PDE1C: variants seen among roughly 807,000 people sequenced by gnomAD.
PDE1C encodes the protein phosphodiesterase 1C, also known as dual specificity calcium/calmodulin-dependent 3',5'-cyclic nucleotide phosphodiesterase 1C.
Under a neutral mutation model 93.1 loss-of-function variants are expected in PDE1C, and 62 were observed. That is an observed-to-expected ratio of 0.67 (90% CI 0.54 to 0.82). The LOEUF (loss-of-function observed/expected upper bound fraction) is 0.82, where lower values mean the gene tolerates loss of function less well. Among genes scored for constraint, PDE1C ranks in the 40% least tolerant of loss-of-function variants. The pLI is 0.00. For missense variants in PDE1C, 742 were observed against 884.6 expected (o/e 0.84, Z 2.04); for synonymous variants, 325 against 310.1 (o/e 1.05, Z -0.50).
chr7:32,359,317 A>G (rs892923093), intron 1 of PDE1C, among the ~76,000 whole-genome samples: 14 of 152,106 alleles, frequency 9.2e-5, no homozygotes, highest in Admixed American at 2.6e-4. Context: ...CTATTGCAAT[A>G]ATTTCTAAAT....
At chr7:31,949,903 G>A (rs537415876) in intron 2 of PDE1C, among the ~76,000 whole-genome samples, 18 of 152,202 alleles carry the variant, frequency 1.2e-4, no homozygotes, top group Non-Finnish European at 1.9e-4. Context: ...TACTTTCTTC[G>A]TAGATTTTCT....
At chr7:31,731,854 T>A in the PDE1C span, among the ~76,000 whole-genome samples, 1 of 152,206 alleles carries the variant, frequency 6.6e-6, no homozygotes, top group Admixed American at 6.5e-5. Context: ...AGATATTTCT[T>A]TCCCAGAGTC....
rs60108134 is a variant in PDE1C at position 32,260,654 on chromosome 7, T to G, written c.85+37997A>C. 3.5e-3 allele frequency among the ~76,000 whole-genome samples: 538 copies of G among 152,290 alleles called. 4 individuals carry two copies. The highest frequency in any genetic ancestry group is 0.012 in the African/African-American group (503 of 41,568). ...CAGAACTAACCAAATCTATCTTGCC[T>G]CTAACCCTTAAGCTGTCCTTGTTCA... On this transcript the variant is annotated intron_variant, in intron 1 of 18. Transcript: ENST00000396193.
chr7:32,005,555 C>CAAAAA (rs59246166), intron 2 of PDE1C, among the ~76,000 whole-genome samples: 7 of 50,758 alleles, frequency 1.4e-4, no homozygotes, highest in Admixed American at 2.5e-4. Context: ...GACTCCATTT[C>CAAAAA]AAAAAAAAAA....
At chr7:32,307,685 G>A (rs1336864870) in intron 1 of PDE1C, among the ~76,000 whole-genome samples, 1 of 152,120 alleles carries the variant, frequency 6.6e-6, no homozygotes, top group East Asian at 1.9e-4. Flanking sequence ...TTAAGCCCAG[G>A]TTCACACGAT....
chr7:32,289,114 G>T (rs1245902012), intron 1 of PDE1C, among the ~76,000 whole-genome samples: 1 of 152,208 alleles, frequency 6.6e-6, no homozygotes, highest in African/African-American at 2.4e-5. Context: ...GGTAAAAAAA[G>T]AGGTCAGAGG....
intron 2 of PDE1C, among the ~76,000 whole-genome samples, chr7:32,010,171 C>G (rs144677081): frequency 6.6e-6 from 1 of 152,166 alleles, no homozygotes; most frequent in East Asian, 1.9e-4. Flanking sequence ...TATGGAAATG[C>G]CAAAGGCCTA....
intron 2 of PDE1C, among the ~76,000 whole-genome samples, chr7:32,188,616 CA>C (rs1171388564): frequency 6.6e-5 from 10 of 151,950 alleles, no homozygotes; most frequent in Non-Finnish European, 1.2e-4. Flanking sequence ...GCTATCTTAC[CA>C]GGGCTACATC....
chr7:31,848,287 T>G (rs1792877949), intron 8 of PDE1C, among the ~76,000 whole-genome samples, 191 bp from the exon 9 acceptor site: 1 of 152,162 alleles, frequency 6.6e-6, no homozygotes, highest in Non-Finnish European at 1.5e-5. Flanking sequence ...GTATGTTATA[T>G]CAGTACATGT....
chr7:32,176,661 T>C (rs1177913236), intron 2 of PDE1C, among the ~76,000 whole-genome samples: 1 of 149,888 alleles, frequency 6.7e-6, no homozygotes, highest in Admixed American at 6.6e-5. Context: ...CCCTACTGTA[T>C]ATCATTAGAG....
At chr7:32,176,388 C>T (rs1320310295) in intron 2 of PDE1C, among the ~76,000 whole-genome samples, 1 of 151,962 alleles carries the variant, frequency 6.6e-6, no homozygotes, top group Non-Finnish European at 1.5e-5. Flanking sequence ...ACAAAGAAGA[C>T]AGGACCAGAA....
chr7:32,373,217 G>T (rs1190755922), intron 1 of PDE1C, among the ~76,000 whole-genome samples: 2 of 152,166 alleles, frequency 1.3e-5, no homozygotes, highest in East Asian at 3.8e-4. Flanking sequence ...CAAAATGTCT[G>T]TCTACTGATT....
At chr7:32,358,640 C>G (rs889011813) in intron 1 of PDE1C, among the ~76,000 whole-genome samples, 5 of 152,128 alleles carry the variant, frequency 3.3e-5, no homozygotes, top group Non-Finnish European at 7.3e-5. Flanking sequence ...GCAGCACAAC[C>G]AACAGTCATT....
chr7:31,743,125 C>A, the PDE1C span, among the ~76,000 whole-genome samples: 1 of 152,162 alleles, frequency 6.6e-6, no homozygotes, highest in South Asian at 2.1e-4. Context: ...CTCTACCAAT[C>A]CATCTCCATT....
At chr7:32,120,854 G>A (rs980009169) in intron 3 of PDE1C, among the ~76,000 whole-genome samples, 2 of 152,080 alleles carry the variant, frequency 1.3e-5, no homozygotes, top group African/African-American at 2.4e-5. Flanking sequence ...CTCCAGCAAG[G>A]GTTCAGAGCT....
At chr7:31,868,843 T>C (rs36104784) in intron 6 of PDE1C, among the ~76,000 whole-genome samples, 2,897 of 150,892 alleles carry the variant, frequency 0.019, 45 homozygotes, top group Middle Eastern at 0.051. Flanking sequence ...ACAGAAAATA[T>C]CTCATTAGAA....
intron 1 of PDE1C, among the ~76,000 whole-genome samples, chr7:32,415,356 CAGG>C (rs1424397540): frequency 6.6e-6 from 1 of 152,120 alleles, no homozygotes; most frequent in Non-Finnish European, 1.5e-5. Flanking sequence ...GAGGCTGAGG[CAGG>C]AGAATAGCTT....
intron 1 of PDE1C, among the ~76,000 whole-genome samples, chr7:32,346,919 G>A (rs1783864050): frequency 6.6e-6 from 1 of 152,176 alleles, no homozygotes; most frequent in South Asian, 2.1e-4. Context: ...TGGTTATCTG[G>A]GGCTGACTGT....
chr7:31,823,410 T>C (rs1169934821), intron 13 of PDE1C, among the ~76,000 whole-genome samples, 162 bp from the exon 14 acceptor site: 1 of 152,168 alleles, frequency 6.6e-6, no homozygotes, highest in Non-Finnish European at 1.5e-5. Flanking sequence ...ATATGACCGG[T>C]GGGAAATTCT....
Sources: allele counts gnomAD v4.1 joint callset (sites outside exome capture counted in the v4.1 genomes callset), GRCh38; gene constraint gnomAD v4.1.1; transcripts MANE v1.5; gene names NCBI Gene and HGNC (gene_info 2026-07-23, HGNC 2026-07-21).